The following REL variants were observed in gnomAD, a reference collection of about 807,000 sequenced individuals.
REL encodes REL proto-oncogene, NF-kB subunit.
REL carries 15 observed loss-of-function variants against 45.9 expected under a neutral mutation model. That is an observed-to-expected ratio of 0.33 (90% CI 0.22 to 0.50). The LOEUF (loss-of-function observed/expected upper bound fraction) is 0.50. REL is among the 20% of genes least tolerant of loss of function. The pLI is 0.98. For missense variants in REL, 601 were observed against 715.2 expected (o/e 0.84, Z 1.82); for synonymous variants, 239 against 242.1 (o/e 0.99, Z 0.12).
chr2:60,889,549 G>C (rs191055519), intron 1 of REL, among the ~76,000 whole-genome samples: 1 of 151,880 alleles, frequency 6.6e-6, no homozygotes. Flanking sequence ...GTGCCATGTT[G>C]GTGTGCTGCA....
At chr2:60,886,681 C>A (rs147774773) in intron 1 of REL, among the ~76,000 whole-genome samples, 114 of 152,074 alleles carry the variant, frequency 7.5e-4, no homozygotes, top group African/African-American at 2.6e-3. Flanking sequence ...CTAATTCTAG[C>A]AATAAAGTGT....
chr2:60,882,889 T>C (rs1672979834), intron 1 of REL, among the ~76,000 whole-genome samples: 1 of 152,104 alleles, frequency 6.6e-6, no homozygotes, highest in African/African-American at 2.4e-5. Flanking sequence ...GCTCGATCTC[T>C]CCCTTTGGGG....
rs1190064237 is a variant in REL at position 60,927,406 on chromosome 2, C to T, written c.*4871C>T. 2 of 231,734 alleles carry T rather than the reference C, an allele frequency of 8.6e-6. No homozygotes were observed. Among genetic ancestry groups the T allele is most frequent in the African/African-American group, 4.4e-5 (2 of 45,258 alleles). The allele number at this position is 231,734 out of a possible 1,614,324, so 14.4% of individuals were successfully genotyped here. ...ACACACACGCACACATACCACAGCC[C>T]TTTGAGACTGAAAGCAGCTCTATTG... On this transcript the variant is annotated 3_prime_UTR_variant, in exon 10 of 10. Coordinates refer to ENST00000394479, the MANE Select transcript of REL (RefSeq NM_001291746.2).
intron 1 of REL, among the ~76,000 whole-genome samples, chr2:60,882,501 C>G (rs1216214546): frequency 2.6e-5 from 4 of 151,938 alleles, no homozygotes; most frequent in African/African-American, 9.7e-5. Flanking sequence ...ATGGTGAAAC[C>G]CCGTCTCTAC....
chr2:60,891,626 C>A, intron 1 of REL, 57 bp from the exon 2 acceptor site: 3 of 1,354,360 alleles, frequency 2.2e-6, no homozygotes, highest in South Asian at 1.7e-5. Context: ...ATGTTAAAAT[C>A]CATTATTAAT....
intron 4 of REL, among the ~76,000 whole-genome samples, chr2:60,913,948 C>CT (rs1202531417): frequency 6.6e-6 from 1 of 152,132 alleles, no homozygotes. Flanking sequence ...TTCAATAGGA[C>CT]TTTAAGTAAT....
Position 60,881,792 on chromosome 2 carries a change from C to G in REL, c.-49C>G, listed in dbSNP as rs1031954131. The G allele has an allele frequency of 7.2e-6, 11 of 1,526,180 alleles. No homozygotes were observed. The highest frequency in any genetic ancestry group is 6.0e-5 in the Admixed American group (3 of 49,990). 94.5% of individuals were successfully genotyped at this position (1,526,180 alleles called of 1,614,324 possible). ...CTGACTGACTGACTGCGGCCGCCTCCGGCCAGGACGCTGGGAGCTGCCTGC... is the reference window on the plus strand; with the variant it reads ...CTGACTGACTGACTGCGGCCGCCTCGGGCCAGGACGCTGGGAGCTGCCTGC... On this transcript the variant is annotated 5_prime_UTR_variant, in exon 1 of 10. Transcript: ENST00000394479.
chr2:60,891,420 A>G (rs889453670), intron 1 of REL, among the ~76,000 whole-genome samples: 1 of 152,160 alleles, frequency 6.6e-6, no homozygotes, highest in African/African-American at 2.4e-5. Context: ...GACGTTAGCT[A>G]TAGATATTAA....
At chr2:60,909,032 C>T (rs185147719) in intron 4 of REL, among the ~76,000 whole-genome samples, 21 of 152,248 alleles carry the variant, frequency 1.4e-4, no homozygotes, top group South Asian at 8.3e-4. Context: ...TCAGAGTTTT[C>T]GAAGCCTTTT....
Position 60,930,611 on chromosome 2 carries a change from CTG to C in REL, c.*8078_*8079del, listed in dbSNP as rs1381404546. ...GATTGAATCTTGAAAGTAATCATGT[CTG>C]TAATGTTTTTCATGCATGCAAAAAG... On this transcript the variant is annotated 3_prime_UTR_variant, in exon 10 of 10. Coordinates refer to ENST00000394479, the MANE Select transcript of REL (RefSeq NM_001291746.2). 3.9e-5 allele frequency: 6 copies of C among 152,250 alleles called. No homozygotes were observed. The highest frequency in any genetic ancestry group is 9.7e-5 in the African/African-American group (4 of 41,402). 9.4% of individuals were successfully genotyped at this position (152,250 alleles called of 1,614,324 possible). A position where few individuals can be genotyped will look rare whatever the true frequency, so the allele number is the denominator to read the frequency against.
rs540567105 is a variant in REL, at chr2:60,917,594, G to T, written c.535+577G>T. On this transcript the variant is annotated intron_variant, in intron 5 of 9. Coordinates refer to ENST00000394479, the MANE Select transcript of REL (RefSeq NM_001291746.2). ...ACCCAGGCTGGAGTGCAGTGGTGCA[G>T]TCATGGCTCACTGCATGGCAAATGC... Among the ~76,000 whole-genome samples the T allele has an allele frequency of 2.5e-4, 36 of 145,344 alleles. No homozygotes were observed. In the Admixed American group the frequency reaches 2.5e-3, roughly 10 times the overall value.
At chr2:60,913,600 C>T (rs1428866515) in intron 4 of REL, among the ~76,000 whole-genome samples, 1 of 152,204 alleles carries the variant, frequency 6.6e-6, no homozygotes, top group Non-Finnish European at 1.5e-5. Context: ...AAACTCTCAA[C>T]TCCTTTATTT....
chr2:60,921,040 C>T (rs1196111415), intron 9 of REL, among the ~76,000 whole-genome samples: 1 of 151,270 alleles, frequency 6.6e-6, no homozygotes, highest in Non-Finnish European at 1.5e-5. Flanking sequence ...TGAATAGTTC[C>T]AACAGAGGCT....
chr2:60,905,968 CTG>C (rs1419407948), intron 4 of REL, among the ~76,000 whole-genome samples: 3 of 152,264 alleles, frequency 2.0e-5, no homozygotes, highest in Middle Eastern at 3.4e-3. Flanking sequence ...ACACCTGAGA[CTG>C]TGAAGAAAAA....
In REL at chr2:60,898,951, T is replaced by A. The variant is rs140432894; in HGVS notation, c.303-2041T>A. On this transcript the variant is annotated intron_variant, in intron 3 of 9. Transcript: ENST00000394479. ...GAATGAATAATTGATTCAAACAATC[T>A]CTTGATCCTTCATTTCAGAATTTCA... The A allele has an allele frequency of 1.2e-4, 18 of 152,342 alleles. No individual in the cohort carries two copies. In the East Asian group the frequency reaches 3.5e-3, roughly 29 times the overall value. The allele number at this position is 152,342 out of a possible 1,614,324, so 9.4% of individuals were successfully genotyped here. A position where few individuals can be genotyped will look rare whatever the true frequency, so the allele number is the denominator to read the frequency against.
chr2:60,893,163 A>T (rs975512584), intron 2 of REL, among the ~76,000 whole-genome samples: 1 of 152,222 alleles, frequency 6.6e-6, no homozygotes, highest in Non-Finnish European at 1.5e-5. Flanking sequence ...GTAGATTTTG[A>T]AAAGTGTTGC....
intron 4 of REL, among the ~76,000 whole-genome samples, chr2:60,910,049 G>T (rs893405561): frequency 6.6e-6 from 1 of 152,124 alleles, no homozygotes; most frequent in Non-Finnish European, 1.5e-5. Flanking sequence ...TTTAATTCCT[G>T]CTTATGAAAA....
intron 4 of REL, among the ~76,000 whole-genome samples, chr2:60,916,439 C>T (rs550500476): frequency 6.6e-6 from 1 of 152,202 alleles, no homozygotes; most frequent in East Asian, 1.9e-4. Context: ...AACTCAGTTC[C>T]TCGTTTGTAA....
Position 60,926,710 on chromosome 2 carries a change from G to A in REL, c.*4175G>A, listed in dbSNP as rs113226314. 1.5e-4 allele frequency: 34 copies of A among 226,002 alleles called. No homozygotes were observed. The highest frequency in any genetic ancestry group is 6.5e-4 in the African/African-American group (29 of 44,736). The allele number at this position is 226,002 out of a possible 1,614,324, so 14.0% of individuals were successfully genotyped here. A position where few individuals can be genotyped will look rare whatever the true frequency, so the allele number is the denominator to read the frequency against. ...CCATAATGGCATTACCATTTACCAC[G>A]CCACCCAAGATACTTACTAGGAACC... is the stretch of plus-strand genomic sequence containing the variant. On this transcript the variant is annotated 3_prime_UTR_variant, in exon 10 of 10. Coordinates refer to ENST00000394479, the MANE Select transcript of REL (RefSeq NM_001291746.2).
Sources: gnomAD v4.1 joint callset for allele counts (sites outside exome capture counted in the v4.1 genomes callset) on GRCh38, gnomAD v4.1.1 for gene constraint, MANE v1.5 for transcripts, NCBI Gene and HGNC (gene_info 2026-07-23, HGNC 2026-07-21) for gene names.